Variants in ABCC11 observed in about 807,000 individuals in gnomAD.
The protein encoded by ABCC11 is ATP-binding cassette sub-family C member 11.
ABCC11 carries 135 observed loss-of-function variants against 149.3 expected under a neutral mutation model. The ratio of observed to expected loss-of-function variants is 0.90; its 90% confidence interval spans 0.79 to 1.04. The LOEUF (loss-of-function observed/expected upper bound fraction) is 1.04, where lower values mean the gene tolerates loss of function less well. ABCC11 is among the 50% of genes least tolerant of loss of function. ABCC11 has a pLI of 0.00. For missense variants in ABCC11, 1,680 were observed against 1,722.1 expected (o/e 0.98, Z 0.43); for synonymous variants, 665 against 671.4 (o/e 0.99, Z 0.15).
intron 20 of ABCC11, among the ~76,000 whole-genome samples, chr16:48,188,329 T>C (rs965279669): frequency 6.6e-6 from 1 of 152,244 alleles, no homozygotes; most frequent in Non-Finnish European, 1.5e-5. Flanking sequence ...AGCCCCAGTC[T>C]GGGGTTTACC....
At chr16:48,175,137 A>G in intron 26 of ABCC11, 121 bp downstream of exon 26, 1 of 1,291,274 alleles carries the variant, frequency 7.7e-7, no homozygotes, top group Non-Finnish European at 1.1e-6. Flanking sequence ...TGAGTGGCCC[A>G]GCAGGCCAAG....
chr16:48,214,137 C>T (rs765632835), intron 9 of ABCC11, among the ~76,000 whole-genome samples: 1 of 152,120 alleles, frequency 6.6e-6, no homozygotes, highest in Non-Finnish European at 1.5e-5. Context: ...TCTTTCTTCT[C>T]CTGGCTTCAT....
chr16:48,229,440 C>T (rs1657126870), intron 3 of ABCC11, among the ~76,000 whole-genome samples: 1 of 150,666 alleles, frequency 6.6e-6, no homozygotes, highest in South Asian at 2.1e-4. Flanking sequence ...ACTCCCATAA[C>T]CAAGGCTGGT....
intron 1 of ABCC11, 163 bp from the exon 2 acceptor site, chr16:48,232,102 G>T: frequency 1.5e-6 from 2 of 1,371,204 alleles, no homozygotes. Flanking sequence ...GCCTGTGCTT[G>T]ATCCCTCTTT....
intron 21 of ABCC11, 32 bp from the exon 22 acceptor site, chr16:48,187,122 C>T (rs765444913): frequency 1.9e-6 from 3 of 1,613,864 alleles, no homozygotes; most frequent in African/African-American, 2.7e-5. Flanking sequence ...GGGACCTGGA[C>T]CGTCCACCTC....
intron 26 of ABCC11, among the ~76,000 whole-genome samples, chr16:48,174,045 A>T (rs1467019482): frequency 6.6e-6 from 1 of 152,090 alleles, no homozygotes. Context: ...CCCTGATCAA[A>T]TGTCCCCTCC....
At chr16:48,172,153 C>T (rs761512221) in intron 26 of ABCC11, among the ~76,000 whole-genome samples, 3 of 152,198 alleles carry the variant, frequency 2.0e-5, no homozygotes, top group Non-Finnish European at 4.4e-5. Flanking sequence ...GTCCTTCTGT[C>T]TGGCATCTTT....
intron 12 of ABCC11, among the ~76,000 whole-genome samples, chr16:48,205,863 T>G (rs1349996654): frequency 6.7e-6 from 1 of 149,858 alleles, no homozygotes; most frequent in East Asian, 2.0e-4. Context: ...CAGGCTGGAG[T>G]GCAGTGGCAC....
At chr16:48,210,272 G>C (rs1968808968) in intron 11 of ABCC11, 2 of 152,278 alleles carry the variant, frequency 1.3e-5, no homozygotes, top group South Asian at 4.1e-4. Flanking sequence ...TTCAAGGCTA[G>C]AGATAATAGC....
intron 27 of ABCC11, 69 bp from the exon 28 acceptor site, chr16:48,170,287 T>A: frequency 8.2e-7 from 1 of 1,223,134 alleles, no homozygotes; most frequent in Non-Finnish European, 1.2e-6. Context: ...CCTGACCTTG[T>A]CAATCTTCCG....
intron 20 of ABCC11, among the ~76,000 whole-genome samples, chr16:48,191,983 T>A (rs1179034109): frequency 2.0e-5 from 3 of 151,984 alleles, no homozygotes; most frequent in Non-Finnish European, 2.9e-5. Context: ...TAATAAAAAA[T>A]AATAATAAAA....
At chr16:48,195,709 T>C (rs1353766464) in intron 18 of ABCC11, among the ~76,000 whole-genome samples, 1 of 152,202 alleles carries the variant, frequency 6.6e-6, no homozygotes, top group African/African-American at 2.4e-5. Context: ...TAAGAAATTT[T>C]AAATCACACC....
chr16:48,194,849 T>C (rs1967248946), intron 18 of ABCC11, among the ~76,000 whole-genome samples: 1 of 152,262 alleles, frequency 6.6e-6, no homozygotes, highest in Non-Finnish European at 1.5e-5. Flanking sequence ...AATAAATTTC[T>C]GTTCTTTATA....
chr16:48,232,683 G>A (rs1455639800), intron 1 of ABCC11, among the ~76,000 whole-genome samples: 6 of 152,248 alleles, frequency 3.9e-5, no homozygotes, highest in Non-Finnish European at 7.3e-5. Flanking sequence ...GAGATGGAAA[G>A]AGAAAGTGTG....
rs567404768 is a variant in ABCC11 at position 48,187,836 on chromosome 16, A to T, written c.2707-409T>A. Among the ~76,000 whole-genome samples, 6 of 152,312 alleles carry T rather than the reference A, an allele frequency of 3.9e-5. No individual in the cohort carries two copies. In the South Asian group the frequency reaches 1.2e-3, roughly 32 times the overall value. ...AGAATACATTAAAAATGCTCAGAGC[A>T]GTGCCTGCCCCTGAGGTAGGAGGTG... On this transcript the variant is annotated intron_variant, in intron 20 of 29. Coordinates refer to ENST00000356608, the MANE Select transcript of ABCC11 (RefSeq NM_001370497.1).
chr16:48,211,145 T>G lies in ABCC11; in HGVS notation c.1411A>C (p.Ser471Arg). The change falls in exon 11 of 30, where the codon AGC (serine) becomes CGC (arginine). Residue 471 changes from serine to arginine, a missense_variant. Physicochemically the swap from Ser to Arg is moderately radical, Grantham distance 110. Coordinates refer to ENST00000356608, the MANE Select transcript of ABCC11 (RefSeq NM_001370497.1). ...VFYVQTLQDP[S>R]KALVFEEATL... ...GCCTCCTCAAAGACCAGAGCTTTGCTGGGGTCTTGTAATGTCTGGACATAG... is the reference window on the plus strand; with the variant it reads ...GCCTCCTCAAAGACCAGAGCTTTGCGGGGGTCTTGTAATGTCTGGACATAG... 6.2e-7 allele frequency: 1 copy of G among 1,614,188 alleles called. No homozygotes were observed. Among genetic ancestry groups the G allele is most frequent in the Non-Finnish European group, 8.5e-7 (1 of 1,180,028 alleles).
chr16:48,181,548 C>A (rs1244616408), intron 23 of ABCC11, among the ~76,000 whole-genome samples: 1 of 152,048 alleles, frequency 6.6e-6, no homozygotes, highest in East Asian at 1.9e-4. Flanking sequence ...CCAATTTACC[C>A]AAAGCCACAC....
intron 20 of ABCC11, among the ~76,000 whole-genome samples, chr16:48,190,363 GTT>G (rs568367350): frequency 1.4e-5 from 2 of 145,720 alleles, no homozygotes; most frequent in Non-Finnish European, 3.0e-5. Flanking sequence ...AAGCAATTTG[GTT>G]TTTTTTTTTT....
chr16:48,243,915 C>T (rs1049301408), intron 1 of ABCC11, among the ~76,000 whole-genome samples: 7 of 152,234 alleles, frequency 4.6e-5, no homozygotes, highest in African/African-American at 1.7e-4. Context: ...TCGCTTGAAC[C>T]CGGGAGGCAG....
Sources: allele counts gnomAD v4.1 joint callset (sites outside exome capture counted in the v4.1 genomes callset), GRCh38; gene constraint gnomAD v4.1.1; transcripts MANE v1.5; gene names NCBI Gene and HGNC (gene_info 2026-07-23, HGNC 2026-07-21).